SAMM50: variants seen among roughly 807,000 people sequenced by gnomAD.
SAMM50 encodes the protein sorting and assembly machinery component 50 homolog.
A neutral mutation model predicts 66.9 loss-of-function variants in SAMM50; 47 were observed. The observed-to-expected ratio is 0.70, with a 90% CI of 0.56 to 0.90. The LOEUF (loss-of-function observed/expected upper bound fraction) is 0.90, where lower values mean the gene tolerates loss of function less well. SAMM50 is among the 40% of genes least tolerant of loss of function. The pLI is 0.00. For missense variants in SAMM50, 535 were observed against 595.3 expected (o/e 0.90, Z 1.05); for synonymous variants, 191 against 214.1 (o/e 0.89, Z 0.94).
chr22:43,957,945 C>T (rs530690310), intron 1 of SAMM50, among the ~76,000 whole-genome samples: 10 of 152,046 alleles, frequency 6.6e-5, no homozygotes, highest in South Asian at 2.1e-4. Context: ...TTAGTAGAGA[C>T]GGGGTTTCAC....
chr22:43,977,826 A>G (rs1405225419), intron 9 of SAMM50, 46 bp from the exon 10 acceptor site: 6 of 1,294,206 alleles, frequency 4.6e-6, no homozygotes, highest in Non-Finnish European at 6.7e-6. Context: ...TAGCCCCTGT[A>G]ATAAGTCTGT....
intron 1 of SAMM50, 27 bp from the exon 2 acceptor site, chr22:43,963,259 T>C: frequency 7.0e-7 from 1 of 1,430,160 alleles, no homozygotes; most frequent in Non-Finnish European, 9.7e-7. Flanking sequence ...CAAAGTCATT[T>C]ATCTGTGGTC....
chr22:43,973,233 T>C lies in SAMM50; in HGVS notation c.561-3T>C, dbSNP rs1401117120. 2 of 1,572,872 alleles carry C rather than the reference T, an allele frequency of 1.3e-6. No homozygotes were observed. Among genetic ancestry groups the C allele is most frequent in the African/African-American group, 2.7e-5 (2 of 74,168 alleles). The stretch of plus-strand genomic sequence containing the variant: ...TTTAAAGCTCTATCCCATTGTCTCC[T>C]AGTTTCTCTGTAAACTTATATAAAG... On this transcript the variant is annotated splice_region_variant and splice_polypyrimidine_tract_variant and intron_variant, in intron 6 of 14. Coordinates refer to ENST00000350028, the MANE Select transcript of SAMM50 (RefSeq NM_015380.5).
rs2050278060 is a variant in SAMM50, at chr22:43,983,990, A to G, written c.1065A>G (p.Pro355=). Reference sequence around the variant, plus strand: ...GATTCAGCATGCACAGCATCGGGCCACAGAGCGAAGGTCTGTCCTTTCCCC... The same window carrying G: ...GATTCAGCATGCACAGCATCGGGCCGCAGAGCGAAGGTCTGTCCTTTCCCC... ...IRGFSMHSIG[P]QSEGDYLGGE... Residue 355 remains proline (P), a synonymous_variant, in exon 12 of 15, where the codon CCA becomes CCG. Coordinates refer to ENST00000350028, the MANE Select transcript of SAMM50 (RefSeq NM_015380.5). This position sits in a 1 kb window ranked among gnomAD's most constrained non-coding sequence, Gnocchi z 4.2. 2 of 1,611,678 alleles carry G rather than the reference A, an allele frequency of 1.2e-6. No homozygotes were observed. The highest frequency in any genetic ancestry group is 1.7e-6 in the Non-Finnish European group (2 of 1,179,096).
chr22:43,959,088 G>C (rs1451245433), intron 1 of SAMM50, among the ~76,000 whole-genome samples: 1 of 143,778 alleles, frequency 7.0e-6, no homozygotes, highest in African/African-American at 2.6e-5. Context: ...GCGTGATCTT[G>C]GCTCACTGCA....
At chr22:43,976,329 GC>G in intron 8 of SAMM50, 146 bp downstream of exon 8, 1 of 894,084 alleles carries the variant, frequency 1.1e-6, no homozygotes, top group Non-Finnish European at 1.7e-6. Context: ...CTCCCCGAGG[GC>G]TTGTGGTGTC....
In SAMM50 at chr22:43,955,489, C is replaced by A; in HGVS notation, c.-89C>A. 1 of 1,485,168 alleles carries A rather than the reference C, an allele frequency of 6.7e-7. No individual in the cohort carries two copies. Among genetic ancestry groups the A allele is most frequent in the Non-Finnish European group, 9.2e-7 (1 of 1,089,480 alleles). The allele number at this position is 1,485,168 out of a possible 1,614,324, so 92.0% of individuals were successfully genotyped here. On this transcript the variant is annotated 5_prime_UTR_variant, in exon 1 of 15. Transcript: ENST00000350028. ...GTGGGAGTTGCCTTGACCTGCAGCT[C>A]CGCCACCGCGGACCCGCCTTCTGCC...
chr22:43,992,140 G>A (rs1021580929), intron 14 of SAMM50, among the ~76,000 whole-genome samples: 2 of 152,212 alleles, frequency 1.3e-5, no homozygotes, highest in Non-Finnish European at 2.9e-5. Context: ...CAAATAGGTT[G>A]TAGTTTGTGC....
intron 4 of SAMM50, among the ~76,000 whole-genome samples, chr22:43,971,019 T>A (rs1479525641): frequency 6.6e-6 from 1 of 151,808 alleles, no homozygotes; most frequent in East Asian, 1.9e-4. Context: ...ACAAAAAATA[T>A]TGGCAGAGTG....
intron 3 of SAMM50, among the ~76,000 whole-genome samples, chr22:43,967,122 G>A (rs899409895): frequency 2.0e-5 from 3 of 152,162 alleles, no homozygotes; most frequent in Admixed American, 1.3e-4. Context: ...GCATCCTTAA[G>A]TGTTGCTTTT....
chr22:43,959,584 G>T (rs936896733), intron 1 of SAMM50, among the ~76,000 whole-genome samples: 3 of 149,380 alleles, frequency 2.0e-5, no homozygotes, highest in Admixed American at 6.7e-5. Flanking sequence ...GCCCAGGCTG[G>T]TCTCAAACTC....
rs1468512853 is a variant in SAMM50, at chr22:43,989,093, C to T, written c.1076-18C>T. Reference sequence around the variant, plus strand: ...CTTGTCGGACCTTGTTTTTGTTCTGCACCCCTCCTTTGCTTAGGAGACTAC... The same window carrying T: ...CTTGTCGGACCTTGTTTTTGTTCTGTACCCCTCCTTTGCTTAGGAGACTAC... On this transcript the variant is annotated intron_variant, in intron 12 of 14. Coordinates refer to ENST00000350028, the MANE Select transcript of SAMM50 (RefSeq NM_015380.5). 6.2e-7 allele frequency: 1 copy of T among 1,604,872 alleles called. No homozygotes were observed. The highest frequency in any genetic ancestry group is 8.5e-7 in the Non-Finnish European group (1 of 1,176,560).
chr22:43,968,468 G>A (rs896134340), intron 3 of SAMM50, among the ~76,000 whole-genome samples: 6 of 152,154 alleles, frequency 3.9e-5, no homozygotes, highest in Admixed American at 1.3e-4. Context: ...GTGTATCTGC[G>A]TTAGTCTTGT....
chr22:43,957,404 A>C (rs2050125404), intron 1 of SAMM50: 2 of 382,354 alleles, frequency 5.2e-6, no homozygotes, highest in Admixed American at 7.7e-5. Context: ...AAAAAAAGGC[A>C]ACTTGATTAA....
chr22:43,996,472 G>C lies in SAMM50; in HGVS notation c.*89G>C, dbSNP rs547400197. 2 of 1,272,458 alleles carry C rather than the reference G, an allele frequency of 1.6e-6. No individual in the cohort carries two copies. Among genetic ancestry groups the C allele is most frequent in the Non-Finnish European group, 2.3e-6 (2 of 869,114 alleles). 78.8% of individuals were successfully genotyped at this position (1,272,458 alleles called of 1,614,324 possible). A position where few individuals can be genotyped will look rare whatever the true frequency, so the allele number is the denominator to read the frequency against. On this transcript the variant is annotated 3_prime_UTR_variant, in exon 15 of 15. Coordinates refer to ENST00000350028, the MANE Select transcript of SAMM50 (RefSeq NM_015380.5). ...GTCTCTCGAGGAAACGCGGTTCAGC[G>C]ATTCTTTGACTGCGGACCCTGTGGG...
chr22:43,966,765 A>T (rs918387533), intron 3 of SAMM50, among the ~76,000 whole-genome samples: 4 of 150,966 alleles, frequency 2.6e-5, no homozygotes, highest in Non-Finnish European at 5.9e-5. Context: ...ATGCCATCTC[A>T]TTGTTTTAAA....
At chr22:43,957,280 T>A in intron 1 of SAMM50, 1 of 659,616 alleles carries the variant, frequency 1.5e-6, no homozygotes, top group Non-Finnish European at 2.8e-6. Context: ...TGCCAAATTC[T>A]GAAGCAATCT....
In SAMM50 at chr22:43,985,906, G is replaced by A. The variant is rs143327342; in HGVS notation, c.1075+1906G>A. On this transcript the variant is annotated intron_variant, in intron 12 of 14. Transcript: ENST00000350028. The stretch of plus-strand genomic sequence containing the variant: ...TATGACACACTATTATCTTTTTAAA[G>A]ACCAAATCCCAAGCTTTGGACATTG... Among the ~76,000 whole-genome samples the A allele has an allele frequency of 2.6e-4, 40 of 151,268 alleles. 1 individual carries two copies. Among genetic ancestry groups the A allele is most frequent in the African/African-American group, 9.0e-4 (37 of 41,130 alleles).
In SAMM50 at chr22:43,983,627, C is replaced by G. The variant is rs561292794; in HGVS notation, c.1008-306C>G. 3.6e-3 allele frequency among the ~76,000 whole-genome samples: 547 copies of G among 152,294 alleles called. 1 individual carries two copies. Among genetic ancestry groups the G allele is most frequent in the African/African-American group, 0.012 (513 of 41,550 alleles). On this transcript the variant is annotated intron_variant, in intron 11 of 14. Coordinates refer to ENST00000350028, the MANE Select transcript of SAMM50 (RefSeq NM_015380.5). The surrounding 1 kb of genome is among the most constrained non-coding windows in gnomAD (Gnocchi z 4.2). ...AAAGGAACTGCGTCATGAATTCTCA[C>G]AGACAGCTGATAGTTCCTTTGTGAC...
Sources: allele counts gnomAD v4.1 joint callset (sites outside exome capture counted in the v4.1 genomes callset), GRCh38; gene constraint gnomAD v4.1.1; non-coding constraint Gnocchi (gnomAD v3.1); transcripts MANE v1.5; gene names NCBI Gene and HGNC (gene_info 2026-07-23, HGNC 2026-07-21).